Variants in PTPRC observed in about 807,000 individuals in gnomAD.
PTPRC encodes the protein protein tyrosine phosphatase receptor type C.
In PTPRC, 44 loss-of-function variants were observed where a neutral mutation model predicts 155.9. The observed-to-expected ratio is 0.28, with a 90% CI of 0.22 to 0.36. The LOEUF (loss-of-function observed/expected upper bound fraction) is 0.36, where lower values mean the gene tolerates loss of function less well. Ranked by LOEUF, PTPRC falls within the 10% of genes least tolerant of loss-of-function variation. The pLI is 1.00. For missense variants in PTPRC, 1,401 were observed against 1,564.6 expected (o/e 0.90, Z 1.76); for synonymous variants, 525 against 533.1 (o/e 0.98, Z 0.21).
At chr1:198,743,062 A>C (rs996405739) in intron 25 of PTPRC, among the ~76,000 whole-genome samples, 1 of 138,740 alleles carries the variant, frequency 7.2e-6, no homozygotes, top group African/African-American at 2.7e-5. Flanking sequence ...GCATTGTCAA[A>C]ATAGCAAAAA....
At chr1:198,680,863 A>C (rs903504181) in intron 2 of PTPRC, among the ~76,000 whole-genome samples, 1 of 152,136 alleles carries the variant, frequency 6.6e-6, no homozygotes, top group African/African-American at 2.4e-5. Context: ...AGCATTATGG[A>C]GTTAGGAGAA....
intron 2 of PTPRC, among the ~76,000 whole-genome samples, chr1:198,670,482 C>A (rs1399477329): frequency 1.3e-5 from 2 of 152,012 alleles, no homozygotes; most frequent in African/African-American, 2.4e-5. Context: ...AAAATTAAAT[C>A]TTCTAATAGA....
At chr1:198,717,276 C>A (rs909467731) in intron 13 of PTPRC, among the ~76,000 whole-genome samples, 3 of 152,170 alleles carry the variant, frequency 2.0e-5, no homozygotes, top group African/African-American at 7.2e-5. Flanking sequence ...TTAGCATTTT[C>A]TTCTCTTCGT....
chr1:198,727,219 T>G (rs1003579199), intron 15 of PTPRC, among the ~76,000 whole-genome samples: 1 of 152,146 alleles, frequency 6.6e-6, no homozygotes, highest in African/African-American at 2.4e-5. Flanking sequence ...TCCTGAAAAC[T>G]AATATTATCT....
At chr1:198,750,738 A>ACAT in intron 29 of PTPRC, 112 bp downstream of exon 29, 1 of 1,357,220 alleles carries the variant, frequency 7.4e-7, no homozygotes, top group African/African-American at 1.4e-5. Flanking sequence ...TCCCTCCATC[A>ACAT]CATAATTCTG....
At chr1:198,664,531 T>C (rs1225725799) in intron 2 of PTPRC, among the ~76,000 whole-genome samples, 1 of 152,216 alleles carries the variant, frequency 6.6e-6, no homozygotes, top group African/African-American at 2.4e-5. Flanking sequence ...TAAAATTCTT[T>C]CTCAACTACC....
rs868710420 is a variant in PTPRC, at chr1:198,696,856, C to T, written c.245C>T (p.Ser82Phe). The change falls in exon 4 of 33, where the codon TCC (serine) becomes TTC (phenylalanine). Residue 82 changes from serine (S) to phenylalanine (F), a missense_variant. Ser to Phe is a radical substitution (Grantham distance 155). This residue lies in a region of PTPRC where 867 missense variants were observed against 970.4 expected (regional missense o/e 0.89). Transcript: ENST00000442510. ...ACTTCTCTTAGTCCAGACAATACTT[C>T]CACCCAAGTATCCCCGGACTCTTTG... Reference protein sequence around the residue: ...TTTSLSPDNTSTQVSPDSLDN... With the variant: ...TTTSLSPDNTFTQVSPDSLDN... 6.2e-7 allele frequency: 1 copy of T among 1,614,044 alleles called. No homozygotes were observed. Among genetic ancestry groups the T allele is most frequent in the South Asian group, 1.1e-5 (1 of 91,072 alleles).
At position 198,749,520 on chromosome 1, in the gene PTPRC, A is replaced by G. The variant is rs755914577; in HGVS notation, c.3043A>G (p.Ser1015Gly). The stretch of plus-strand genomic sequence containing the variant: ...TGATGACAGTGATTCAGAGGAACCA[A>G]GCAAATACATCAATGCATCTTTTAT... ...SDDDSDSEEP[S>G]KYINASFIMS... Residue 1015 changes from serine to glycine, a missense_variant, in exon 28 of 33, where the codon AGC (serine) becomes GGC (glycine). Around this residue, in one of 3 missense-constraint regions of PTPRC, gnomAD observed 400 missense variants for 389.5 expected, o/e 1.03. Coordinates refer to ENST00000442510, the MANE Select transcript of PTPRC (RefSeq NM_002838.5). 9 of 1,611,092 alleles carry G rather than the reference A, an allele frequency of 5.6e-6. No individual in the cohort carries two copies. Among genetic ancestry groups the G allele is most frequent in the Non-Finnish European group, 7.6e-6 (9 of 1,178,332 alleles).
chr1:198,656,561 A>G (rs145045787), intron 2 of PTPRC, among the ~76,000 whole-genome samples: 1 of 152,180 alleles, frequency 6.6e-6, no homozygotes, highest in Non-Finnish European at 1.5e-5. Context: ...ATGAAGGCAC[A>G]ATGGAAGCTT....
intron 14 of PTPRC, among the ~76,000 whole-genome samples, chr1:198,719,883 T>C (rs575296693): frequency 2.6e-5 from 4 of 152,300 alleles, no homozygotes; most frequent in African/African-American, 9.6e-5. Flanking sequence ...ATTGTTGGGA[T>C]TACAGGTGTG....
chr1:198,706,689 T>A, intron 8 of PTPRC, 45 bp from the exon 9 acceptor site: 1 of 1,578,086 alleles, frequency 6.3e-7, no homozygotes, highest in Non-Finnish European at 8.7e-7. Flanking sequence ...AATGTAGTTT[T>A]ATTTATTCTG....
At chr1:198,662,475 T>TGTGTGTGA (rs1553232047) in intron 2 of PTPRC, among the ~76,000 whole-genome samples, 12 of 65,510 alleles carry the variant, frequency 1.8e-4, no homozygotes, top group African/African-American at 6.9e-4. Flanking sequence ...TGTGTGTGTG[T>TGTGTGTGA]GTGAGAGTGT....
intron 14 of PTPRC, among the ~76,000 whole-genome samples, chr1:198,720,570 T>A (rs1653840004): frequency 1.3e-5 from 2 of 152,098 alleles, no homozygotes; most frequent in South Asian, 4.1e-4. Flanking sequence ...TCTCAAGTGA[T>A]CTGCCCACCT....
chr1:198,734,621 A>T (rs892325573), intron 22 of PTPRC, among the ~76,000 whole-genome samples, 196 bp downstream of exon 22: 6 of 151,794 alleles, frequency 4.0e-5, no homozygotes, highest in African/African-American at 1.4e-4. Context: ...ATATGTCTAT[A>T]TGCATAAAAT....
intron 15 of PTPRC, among the ~76,000 whole-genome samples, chr1:198,728,058 ATG>A (rs1244812408): frequency 6.6e-6 from 1 of 152,170 alleles, no homozygotes; most frequent in African/African-American, 2.4e-5. Flanking sequence ...TTAAATTTAA[ATG>A]TGTCTTATGA....
chr1:198,740,529 C>A (rs1286303944), intron 23 of PTPRC, among the ~76,000 whole-genome samples: 2 of 151,788 alleles, frequency 1.3e-5, no homozygotes, highest in East Asian at 3.9e-4. Context: ...TTGCAGTGAG[C>A]CAAGATTGCA....
rs2102393632 is a variant in PTPRC at position 198,699,646 on chromosome 1, C to G, written c.381C>G (p.Phe127Leu). The G allele has an allele frequency of 6.2e-7, 1 of 1,614,198 alleles. No individual in the cohort carries two copies. Among genetic ancestry groups the G allele is most frequent in the Non-Finnish European group, 8.5e-7 (1 of 1,180,036 alleles). The change falls in exon 5 of 33, where the codon TTC becomes TTG. Residue 127 changes from phenylalanine (F) to leucine (L), a missense_variant. Physicochemically the swap from Phe to Leu is conservative, Grantham distance 22 (BLOSUM62 0). Coordinates refer to ENST00000442510, the MANE Select transcript of PTPRC (RefSeq NM_002838.5). Reference sequence around the variant, plus strand: ...CTGCTGGAACTGACACGCAGACATTCAGCGGCTCCGCCGCCAATGCAAAAC... The same window carrying G: ...CTGCTGGAACTGACACGCAGACATTGAGCGGCTCCGCCGCCAATGCAAAAC... ...TPSAGTDTQT[F>L]SGSAANAKLN...
At chr1:198,723,080 T>G (rs1653968911) in intron 15 of PTPRC, among the ~76,000 whole-genome samples, 1 of 150,092 alleles carries the variant, frequency 6.7e-6, no homozygotes. Context: ...CTTTTAACCA[T>G]TTCTATTTTT....
chr1:198,733,137 A>T (rs1368266149), intron 20 of PTPRC, among the ~76,000 whole-genome samples: 1 of 151,812 alleles, frequency 6.6e-6, no homozygotes, highest in African/African-American at 2.4e-5. Flanking sequence ...TTATTATACA[A>T]ATGTTAATTA....
Sources: allele counts gnomAD v4.1 joint callset (sites outside exome capture counted in the v4.1 genomes callset), GRCh38; gene constraint gnomAD v4.1.1; regional missense constraint gnomAD v4.1.1; transcripts MANE v1.5; gene names NCBI Gene and HGNC (gene_info 2026-07-23, HGNC 2026-07-21).